The following TRAF3IP1 variants were observed in gnomAD, a reference collection of about 807,000 sequenced individuals.
TRAF3IP1 encodes the protein TRAF3-interacting protein 1.
Under a neutral mutation model 89.9 loss-of-function variants are expected in TRAF3IP1, and 53 were observed. That is an observed-to-expected ratio of 0.59 (90% CI 0.47 to 0.74). The LOEUF (loss-of-function observed/expected upper bound fraction) is 0.74, where lower values mean the gene tolerates loss of function less well. Ranked by LOEUF, TRAF3IP1 falls within the 30% of genes least tolerant of loss-of-function variation. The pLI, the probability that TRAF3IP1 is intolerant of heterozygous loss-of-function variation, is 0.00. For missense variants in TRAF3IP1, 806 were observed against 866.1 expected, an observed-to-expected ratio of 0.93 and a Z score of 0.87; for synonymous variants, 311 against 322.1, an observed-to-expected ratio of 0.97 and a Z score of 0.37.
Position 238,399,665 on chromosome 2 carries a change from CAG to C in TRAF3IP1, c.*749_*750del, listed in dbSNP as rs1475074983. 6.6e-6 allele frequency: 1 copy of C among 152,146 alleles called. No homozygotes were observed. The highest frequency in any genetic ancestry group is 2.4e-5 in the African/African-American group (1 of 41,430). 9.4% of individuals were successfully genotyped at this position (152,146 alleles called of 1,614,324 possible). ...GCAGTTTACCCTGGTTTTCCTCAGA[CAG>C]AGGCTAGCGCAGCCCCCCGGAGTCC... On this transcript the variant is annotated 3_prime_UTR_variant, in exon 17 of 17. Coordinates refer to ENST00000373327, the MANE Select transcript of TRAF3IP1 (RefSeq NM_015650.4).
chr2:238,353,307 T>C (rs1314794519), intron 14 of TRAF3IP1, 98 bp downstream of exon 14: 1 of 1,367,122 alleles, frequency 7.3e-7, no homozygotes, highest in Non-Finnish European at 1.0e-6. Flanking sequence ...GGGACTGTTG[T>C]GTGCCAGGTT....
intron 15 of TRAF3IP1, among the ~76,000 whole-genome samples, chr2:238,390,099 A>C (rs1415828353): frequency 6.6e-6 from 1 of 152,186 alleles, no homozygotes; most frequent in Non-Finnish European, 1.5e-5. Flanking sequence ...TTTAGCCCGC[A>C]GGAAAAGGGA....
rs1183226099 is a variant in TRAF3IP1 at position 238,365,982 on chromosome 2, A to G, written c.1689+9902A>G. 2.0e-5 allele frequency among the ~76,000 whole-genome samples: 3 copies of G among 152,212 alleles called. 1 individual carries two copies. Among genetic ancestry groups the G allele is most frequent in the African/African-American group, 7.2e-5 (3 of 41,452 alleles). On this transcript the variant is annotated intron_variant, in intron 15 of 16. Coordinates refer to ENST00000373327, the MANE Select transcript of TRAF3IP1 (RefSeq NM_015650.4). The stretch of plus-strand genomic sequence containing the variant: ...AGACACCGGCTGGGCGCAGTGGCTC[A>G]CGCCTGTAATCCTAGCACTTTGGGA...
chr2:238,396,316 G>A (rs907416005), intron 15 of TRAF3IP1, among the ~76,000 whole-genome samples: 8 of 146,584 alleles, frequency 5.5e-5, no homozygotes, highest in African/African-American at 2.0e-4. Flanking sequence ...ACTCATAGGT[G>A]GGAATTGAAC....
At chr2:238,322,136 TCAC>T (rs1353742988) in intron 1 of TRAF3IP1, among the ~76,000 whole-genome samples, 1 of 152,180 alleles carries the variant, frequency 6.6e-6, no homozygotes, top group Non-Finnish European at 1.5e-5. Context: ...ATGTGCCGCA[TCAC>T]CACCGTCCCG....
chr2:238,333,134 C>A (rs1267516055), intron 6 of TRAF3IP1, among the ~76,000 whole-genome samples: 1 of 151,974 alleles, frequency 6.6e-6, no homozygotes, highest in Non-Finnish European at 1.5e-5. Flanking sequence ...TTTACTTATG[C>A]CTTTATATGA....
intron 15 of TRAF3IP1, among the ~76,000 whole-genome samples, chr2:238,396,035 A>G (rs1701200246): frequency 6.6e-6 from 1 of 152,214 alleles, no homozygotes; most frequent in Non-Finnish European, 1.5e-5. Context: ...CTGGGTATAT[A>G]CCCAAAGGAT....
In TRAF3IP1 at chr2:238,366,655, C is replaced by T. The variant is rs79506586; in HGVS notation, c.1689+10575C>T. 2.4e-3 allele frequency among the ~76,000 whole-genome samples: 362 copies of T among 151,998 alleles called. 1 individual carries two copies. Among genetic ancestry groups the T allele is most frequent in the Non-Finnish European group, 3.8e-3 (259 of 67,966 alleles). ...TGTCCTCGGTTTTTTAGATTTTAGTCAGTTGTGGCCTGATAGGTTATTTCT... is the reference window on the plus strand; with the variant it reads ...TGTCCTCGGTTTTTTAGATTTTAGTTAGTTGTGGCCTGATAGGTTATTTCT... On this transcript the variant is annotated intron_variant, in intron 15 of 16. Coordinates refer to ENST00000373327, the MANE Select transcript of TRAF3IP1 (RefSeq NM_015650.4).
In TRAF3IP1 at chr2:238,346,818, CAG is replaced by C. The variant is rs1229361456; in HGVS notation, c.1262-633_1262-632del. On this transcript the variant is annotated intron_variant, in intron 9 of 16. Transcript: ENST00000373327. ...GTTCGTGCATCTTAAGAGTGTGAAA[CAG>C]AGATTTCCCACCTGTGGTTTTGAAT... Among the ~76,000 whole-genome samples the C allele has an allele frequency of 9.3e-4, 141 of 152,336 alleles. 1 individual carries two copies. The highest frequency in any genetic ancestry group is 3.2e-4 in the Non-Finnish European group (22 of 68,030).
intron 15 of TRAF3IP1, among the ~76,000 whole-genome samples, chr2:238,372,671 G>A (rs911114140): frequency 1.3e-5 from 2 of 152,140 alleles, no homozygotes; most frequent in Admixed American, 1.3e-4. Context: ...TGGGTCAAAT[G>A]GTAATTCTAG....
rs779215798 is a variant in TRAF3IP1 at position 238,328,724 on chromosome 2, A to C, written c.393A>C (p.Gly131=). 6.8e-6 allele frequency: 11 copies of C among 1,613,832 alleles called. No individual in the cohort carries two copies. The highest frequency in any genetic ancestry group is 9.3e-6 in the Non-Finnish European group (11 of 1,179,960). The part of the protein sequence containing the change: ...SDDAVRRVLA[G]EKGEVKGRAS... ...ATGCGGTGCGGAGGGTTTTAGCTGG[A>C]GAGAAGGGAGAAGTGAAAGGCCGGG... The change falls in exon 4 of 17, where the codon GGA becomes GGC. Residue 131 remains glycine, a synonymous_variant. Coordinates refer to ENST00000373327, the MANE Select transcript of TRAF3IP1 (RefSeq NM_015650.4).
chr2:238,325,375 G>C lies in TRAF3IP1; in HGVS notation c.192+1G>C, dbSNP rs1697771953. On this transcript the variant is annotated splice_donor_variant, in intron 2 of 16. Coordinates refer to ENST00000373327, the MANE Select transcript of TRAF3IP1 (RefSeq NM_015650.4). LOFTEE classifies it high-confidence loss of function. ...CGAGATGAAGTCTGATAATGTGAAG[G>C]TGGGTTTGAGTCGGGCTTCTCCTAT... The C allele has an allele frequency of 6.2e-7, 1 of 1,614,040 alleles. No homozygotes were observed. The highest frequency in any genetic ancestry group is 8.5e-7 in the Non-Finnish European group (1 of 1,180,054).
Position 238,320,749 on chromosome 2 carries a change from GC to G in TRAF3IP1, c.92del (p.Pro31ArgfsTer12), listed in dbSNP as rs1198416910. On this transcript the variant is annotated frameshift_variant, in exon 1 of 17. Coordinates refer to ENST00000373327, the MANE Select transcript of TRAF3IP1 (RefSeq NM_015650.4). LOFTEE classifies it high-confidence loss of function. Reference sequence around the variant, plus strand: ...CGCTGACCGAGAAGCTGCTGAGCAAGCCCCCGTTCCGCTACCTGCACGACAT... The same window carrying G: ...CGCTGACCGAGAAGCTGCTGAGCAAGCCCCGTTCCGCTACCTGCACGACAT... ...PPLTEKLLSK[P>X]PFRYLHDIIT... is the part of the protein sequence containing the mutation. 4 of 1,440,710 alleles carry G rather than the reference GC, an allele frequency of 2.8e-6. No homozygotes were observed. Among genetic ancestry groups the G allele is most frequent in the Non-Finnish European group, 2.8e-6 (3 of 1,084,568 alleles). 89.2% of individuals were successfully genotyped at this position (1,440,710 alleles called of 1,614,324 possible).
intron 15 of TRAF3IP1, 104 bp from the exon 16 acceptor site, chr2:238,397,355 G>T (rs1701272146): frequency 1.1e-6 from 1 of 946,530 alleles, no homozygotes; most frequent in East Asian, 2.4e-5. Context: ...GTCTCTGCCT[G>T]CGCCTTTCCT....
In TRAF3IP1 at chr2:238,397,380, C is replaced by G. The variant is rs559963661; in HGVS notation, c.1690-79C>G. ...GCGCCTTTCCTCCCAGCCCCATGGC[C>G]GTGTGCTGAGTGCACCGGCCCTGTT... On this transcript the variant is annotated intron_variant, in intron 15 of 16. Coordinates refer to ENST00000373327, the MANE Select transcript of TRAF3IP1 (RefSeq NM_015650.4). 4.9e-4 allele frequency: 638 copies of G among 1,302,018 alleles called. 3 individuals are homozygous for G. In the African/African-American group the frequency reaches 8.3e-3, roughly 17 times the overall value. The allele number at this position is 1,302,018 out of a possible 1,614,324, so 80.7% of individuals were successfully genotyped here.
intron 15 of TRAF3IP1, among the ~76,000 whole-genome samples, chr2:238,375,800 G>A (rs1412230719): frequency 6.6e-6 from 1 of 152,128 alleles, no homozygotes; most frequent in Admixed American, 6.5e-5. Flanking sequence ...GTATTCCAAG[G>A]TCAGAAAGAT....
In TRAF3IP1 at chr2:238,320,717, A is replaced by T; in HGVS notation, c.55A>T (p.Arg19Trp). 6.9e-7 allele frequency: 1 copy of T among 1,447,912 alleles called. No homozygotes were observed. Among genetic ancestry groups the T allele is most frequent in the Non-Finnish European group, 9.2e-7 (1 of 1,089,186 alleles). The allele number at this position is 1,447,912 out of a possible 1,614,324, so 89.7% of individuals were successfully genotyped here. Residue 19 changes from arginine (R) to tryptophan (W), a missense_variant, in exon 1 of 17, where the codon AGG becomes TGG. Coordinates refer to ENST00000373327, the MANE Select transcript of TRAF3IP1 (RefSeq NM_015650.4). ...TQEALGKVIR[R>W]PPLTEKLLSK... is the part of the protein sequence containing the mutation. ...GGAGGCGCTGGGGAAAGTGATTCGGAGGCCGCCGCTGACCGAGAAGCTGCT... is the reference window on the plus strand; with the variant it reads ...GGAGGCGCTGGGGAAAGTGATTCGGTGGCCGCCGCTGACCGAGAAGCTGCT...
At chr2:238,346,946 C>T (rs1407013044) in intron 9 of TRAF3IP1, among the ~76,000 whole-genome samples, 1 of 152,208 alleles carries the variant, frequency 6.6e-6, no homozygotes, top group East Asian at 1.9e-4. Flanking sequence ...GGTGAAGGTG[C>T]AGAGGTGGGC....
chr2:238,392,795 C>A (rs1171148460), intron 15 of TRAF3IP1, among the ~76,000 whole-genome samples: 11 of 152,184 alleles, frequency 7.2e-5, no homozygotes, highest in Non-Finnish European at 1.6e-4. Flanking sequence ...AGGCTGGTCT[C>A]GAACTCCTGA....
Sources: allele counts gnomAD v4.1 joint callset (sites outside exome capture counted in the v4.1 genomes callset), GRCh38; gene constraint gnomAD v4.1.1; transcripts MANE v1.5; gene names NCBI Gene and HGNC (gene_info 2026-07-23, HGNC 2026-07-21).